The following GRID1 variants were observed in gnomAD, a reference collection of about 807,000 sequenced individuals.
GRID1 encodes glutamate receptor ionotropic, delta-1.
A neutral mutation model predicts 98.0 loss-of-function variants in GRID1; 28 were observed. That is an observed-to-expected ratio of 0.29 (90% CI 0.21 to 0.39). The LOEUF (loss-of-function observed/expected upper bound fraction) is 0.39, where lower values mean the gene tolerates loss of function less well. GRID1 is among the 10% of genes least tolerant of loss of function. GRID1 has a pLI of 1.00. For synonymous variants in GRID1, 553 were observed against 538.5 expected (o/e 1.03, Z -0.37); for missense variants, 1,111 against 1,340.5 (o/e 0.83, Z 2.67).
intron 8 of GRID1, among the ~76,000 whole-genome samples, chr10:85,729,872 T>G (rs566172817): frequency 6.6e-6 from 1 of 152,354 alleles, no homozygotes; most frequent in African/African-American, 2.4e-5. Context: ...GGTGAGAACT[T>G]GTCTCTAGAA....
intron 3 of GRID1, among the ~76,000 whole-genome samples, chr10:86,159,459 A>G (rs1845289826): frequency 6.6e-6 from 1 of 152,250 alleles, no homozygotes; most frequent in Admixed American, 6.5e-5. Context: ...AGTATTCAGT[A>G]CAGTAACATG....
At chr10:85,846,552 C>A (rs1156540909) in intron 8 of GRID1, among the ~76,000 whole-genome samples, 1 of 151,716 alleles carries the variant, frequency 6.6e-6, no homozygotes, top group Non-Finnish European at 1.5e-5. Flanking sequence ...AAGAATAAAA[C>A]AATTATTATG....
chr10:86,143,627 G>A (rs1205057501), intron 3 of GRID1, among the ~76,000 whole-genome samples: 1 of 152,062 alleles, frequency 6.6e-6, no homozygotes, highest in East Asian at 1.9e-4. Context: ...CCAACCACAC[G>A]CACCTCCACC....
intron 8 of GRID1, among the ~76,000 whole-genome samples, chr10:85,784,603 G>C (rs1336153154): frequency 6.6e-6 from 1 of 152,198 alleles, no homozygotes; most frequent in Non-Finnish European, 1.5e-5. Context: ...GACCGTGTCT[G>C]GTGTGCTTTG....
intron 5 of GRID1, among the ~76,000 whole-genome samples, chr10:85,873,392 T>C (rs1843297982): frequency 6.6e-6 from 1 of 152,226 alleles, no homozygotes; most frequent in Admixed American, 6.5e-5. Flanking sequence ...CAGACAAAAG[T>C]AACACATCAT....
chr10:85,646,610 C>G (rs7101118), intron 13 of GRID1: 70 of 155,912 alleles, frequency 4.5e-4, no homozygotes, highest in African/African-American at 1.5e-3. Flanking sequence ...GGCCTTTCTC[C>G]TCCCTTCCTC....
At chr10:86,005,622 T>C (rs1837893218) in intron 4 of GRID1, among the ~76,000 whole-genome samples, 1 of 152,158 alleles carries the variant, frequency 6.6e-6, no homozygotes, top group South Asian at 2.1e-4. Context: ...TGGTCAAATT[T>C]TGGTGGGGGT....
intron 8 of GRID1, among the ~76,000 whole-genome samples, chr10:85,853,578 C>G (rs966421832): frequency 1.3e-5 from 2 of 152,188 alleles, no homozygotes; most frequent in African/African-American, 4.8e-5. Flanking sequence ...GTAGTCCCAT[C>G]TCTGGCCTCT....
chr10:86,351,246 A>T (rs1211433673), intron 2 of GRID1, among the ~76,000 whole-genome samples: 1 of 152,258 alleles, frequency 6.6e-6, no homozygotes, highest in Non-Finnish European at 1.5e-5. Context: ...TGGCTCCGTG[A>T]AACATGCACA....
At chr10:86,312,623 T>A (rs1330517774) in intron 2 of GRID1, among the ~76,000 whole-genome samples, 1 of 152,258 alleles carries the variant, frequency 6.6e-6, no homozygotes, top group Non-Finnish European at 1.5e-5. Context: ...TCACTAGTCC[T>A]GCGACTTGGG....
chr10:85,856,233 T>A (rs1237500375), intron 6 of GRID1, 43 bp from the exon 7 acceptor site: 1 of 1,581,466 alleles, frequency 6.3e-7, no homozygotes, highest in East Asian at 2.2e-5. Flanking sequence ...CAGGTGCATT[T>A]CTAGAGAGCT....
At chr10:85,971,803 A>G (rs1842411402) in intron 4 of GRID1, among the ~76,000 whole-genome samples, 1 of 152,132 alleles carries the variant, frequency 6.6e-6, no homozygotes, top group Non-Finnish European at 1.5e-5. Flanking sequence ...AAGACTAAAC[A>G]TACATCTACT....
chr10:85,898,790 G>A (rs1841333782), intron 5 of GRID1, among the ~76,000 whole-genome samples: 1 of 152,192 alleles, frequency 6.6e-6, no homozygotes, highest in East Asian at 1.9e-4. Context: ...TCTGCCTCAG[G>A]CTGTTTTACA....
intron 4 of GRID1, among the ~76,000 whole-genome samples, chr10:85,997,582 T>C (rs983598230): frequency 3.3e-5 from 5 of 151,946 alleles, no homozygotes; most frequent in African/African-American, 9.7e-5. Flanking sequence ...CAAAGATACA[T>C]AGTAAAAATC....
intron 2 of GRID1, among the ~76,000 whole-genome samples, chr10:86,290,684 A>G (rs911303290): frequency 1.5e-4 from 17 of 111,912 alleles, no homozygotes; most frequent in Admixed American, 5.8e-4. Flanking sequence ...AAAATAAAAT[A>G]AAATATGTTC....
intron 2 of GRID1, among the ~76,000 whole-genome samples, chr10:86,301,119 G>T (rs1847679727): frequency 1.3e-5 from 2 of 152,150 alleles, no homozygotes; most frequent in Admixed American, 1.3e-4. Context: ...TTAGCTTTCA[G>T]GTGCCCCCCA....
At chr10:86,107,462 A>C (rs1844408417) in intron 4 of GRID1, among the ~76,000 whole-genome samples, 1 of 152,156 alleles carries the variant, frequency 6.6e-6, no homozygotes, top group African/African-American at 2.4e-5. Flanking sequence ...TTGATACAGG[A>C]GGTGGGAAGG....
chr10:86,012,431 GCT>G (rs1302354413), intron 4 of GRID1, among the ~76,000 whole-genome samples: 2 of 152,194 alleles, frequency 1.3e-5, no homozygotes, highest in African/African-American at 2.4e-5. Flanking sequence ...CATGGAGAGA[GCT>G]GGCAGAGGTT....
At chr10:86,033,607 G>C (rs1286491675) in intron 4 of GRID1, among the ~76,000 whole-genome samples, 2 of 152,192 alleles carry the variant, frequency 1.3e-5, no homozygotes, top group African/African-American at 4.8e-5. Flanking sequence ...GGAACATCCA[G>C]ACAGAAAGGA....
Sources: allele counts gnomAD v4.1 joint callset (sites outside exome capture counted in the v4.1 genomes callset), GRCh38; gene constraint gnomAD v4.1.1; transcripts MANE v1.5; gene names NCBI Gene and HGNC (gene_info 2026-07-23, HGNC 2026-07-21).